ABTB2: variants seen among roughly 807,000 people sequenced by gnomAD.
The protein encoded by ABTB2 is ankyrin repeat and BTB/POZ domain-containing protein 2.
Under a neutral mutation model 104.1 loss-of-function variants are expected in ABTB2, and 56 were observed. The ratio of observed to expected loss-of-function variants is 0.54; its 90% CI spans 0.43 to 0.67. The LOEUF (loss-of-function observed/expected upper bound fraction) is 0.67, where lower values mean the gene tolerates loss of function less well. Ranked by LOEUF, ABTB2 falls within the 30% of genes least tolerant of loss-of-function variation. ABTB2 has a pLI of 0.00. For synonymous variants in ABTB2, 606 were observed against 608.2 expected (o/e 1.00, Z 0.05); for missense variants, 1,279 against 1,407.7 (o/e 0.91, Z 1.46).
chr11:34,284,320 G>A (rs1159357578), intron 1 of ABTB2, among the ~76,000 whole-genome samples: 9 of 152,316 alleles, frequency 5.9e-5, no homozygotes, highest in African/African-American at 1.2e-4. Context: ...AATGACCCCC[G>A]TGTAACCCTA....
At chr11:34,302,109 T>C (rs1040730607) in intron 1 of ABTB2, among the ~76,000 whole-genome samples, 8 of 152,240 alleles carry the variant, frequency 5.3e-5, no homozygotes, top group African/African-American at 1.9e-4. Flanking sequence ...TAGGTAACAC[T>C]TTGGTGTATT....
At chr11:34,173,424 G>T in intron 3 of ABTB2, 117 bp from the exon 4 acceptor site, 1 of 1,282,206 alleles carries the variant, frequency 7.8e-7, no homozygotes, top group Non-Finnish European at 1.1e-6. Flanking sequence ...GTCAGTCCTA[G>T]GGTGGGGGGC....
intron 1 of ABTB2, among the ~76,000 whole-genome samples, chr11:34,264,952 A>T (rs1390161330): frequency 6.6e-6 from 1 of 152,216 alleles, no homozygotes; most frequent in South Asian, 2.1e-4. Flanking sequence ...AAAATGAGGG[A>T]TCTGAATCAG....
intron 1 of ABTB2, among the ~76,000 whole-genome samples, chr11:34,238,513 GT>G (rs1853873448): frequency 2.6e-5 from 4 of 152,144 alleles, no homozygotes; most frequent in African/African-American, 9.7e-5. Context: ...ATAAATATTT[GT>G]TGAATGGAGA....
At chr11:34,272,302 C>CAAA (rs60997940) in intron 1 of ABTB2, among the ~76,000 whole-genome samples, 1,406 of 80,690 alleles carry the variant, frequency 0.017, 62 homozygotes, top group African/African-American at 0.05. Context: ...CAGGAAGCTG[C>CAAA]AAAAAAAAAA....
chr11:34,215,900 C>A (rs1282068921), intron 1 of ABTB2, among the ~76,000 whole-genome samples: 2 of 152,012 alleles, frequency 1.3e-5, no homozygotes, highest in African/African-American at 2.4e-5. Context: ...AGACCCAAGG[C>A]CACTCGATTC....
intron 1 of ABTB2, among the ~76,000 whole-genome samples, chr11:34,217,661 C>T (rs1388801260): frequency 6.6e-6 from 1 of 152,122 alleles, no homozygotes; most frequent in Non-Finnish European, 1.5e-5. Context: ...GGGGTTTCTC[C>T]ATGTTGGCCA....
At chr11:34,161,133 C>T (rs752712520) in intron 10 of ABTB2, 52 bp from the exon 11 acceptor site, 33 of 1,505,010 alleles carry the variant, frequency 2.2e-5, no homozygotes, top group South Asian at 2.0e-4. Context: ...TGAGCGCTCC[C>T]GGCACAGACC....
intron 14 of ABTB2, among the ~76,000 whole-genome samples, chr11:34,156,363 T>C (rs1852626809): frequency 6.6e-6 from 1 of 152,102 alleles, no homozygotes; most frequent in African/African-American, 2.4e-5. Flanking sequence ...CCAGGCAGCC[T>C]GTGGGGCTAG....
chr11:34,198,930 G>T (rs1018633037), intron 2 of ABTB2, among the ~76,000 whole-genome samples: 5 of 152,160 alleles, frequency 3.3e-5, no homozygotes, highest in Non-Finnish European at 5.9e-5. Flanking sequence ...CCTTAAGGTG[G>T]AAGAAATGAA....
chr11:34,351,311 G>A (rs1351710330), intron 1 of ABTB2, among the ~76,000 whole-genome samples: 1 of 152,218 alleles, frequency 6.6e-6, no homozygotes, highest in Non-Finnish European at 1.5e-5. Context: ...CTGTTGGCAA[G>A]GGGGCGGTTG....
intron 1 of ABTB2, among the ~76,000 whole-genome samples, chr11:34,239,644 TC>T (rs564058885): frequency 9.7e-4 from 147 of 152,320 alleles, no homozygotes; most frequent in African/African-American, 3.2e-3. Context: ...CTGCCTTTTT[TC>T]TACCCCCACC....
chr11:34,249,386 C>T (rs1199747301), intron 1 of ABTB2, among the ~76,000 whole-genome samples: 1 of 152,174 alleles, frequency 6.6e-6, no homozygotes, highest in African/African-American at 2.4e-5. Flanking sequence ...ATAAAAATAT[C>T]CAGAGCTGGC....
chr11:34,243,492 C>T (rs2133064589), intron 1 of ABTB2, among the ~76,000 whole-genome samples: 1 of 152,322 alleles, frequency 6.6e-6, no homozygotes, highest in Non-Finnish European at 1.5e-5. Flanking sequence ...TAACCCTGCC[C>T]CTCCTCCAAC....
chr11:34,281,483 G>GC (rs1336770000), intron 1 of ABTB2, among the ~76,000 whole-genome samples: 1 of 152,094 alleles, frequency 6.6e-6, no homozygotes, highest in Non-Finnish European at 1.5e-5. Context: ...CCTCCCCTGG[G>GC]CCCTTTTGTC....
chr11:34,301,258 C>T (rs902987118), intron 1 of ABTB2, among the ~76,000 whole-genome samples: 1 of 152,116 alleles, frequency 6.6e-6, no homozygotes, highest in Non-Finnish European at 1.5e-5. Flanking sequence ...GTGCTTCCTT[C>T]TTTCCCGTAG....
intron 1 of ABTB2, among the ~76,000 whole-genome samples, chr11:34,295,018 CA>C (rs1445734072): frequency 6.6e-6 from 1 of 152,012 alleles, no homozygotes; most frequent in Non-Finnish European, 1.5e-5. Context: ...CGGGCCTCTA[CA>C]AAAACAATTT....
intron 3 of ABTB2, among the ~76,000 whole-genome samples, chr11:34,180,114 C>T (rs1176733005): frequency 6.6e-6 from 1 of 152,232 alleles, no homozygotes; most frequent in East Asian, 1.9e-4. Flanking sequence ...CTCCAGCTTT[C>T]TGAAAGTCCA....
chr11:34,160,098 G>A (rs1852687595), intron 12 of ABTB2, 90 bp from the exon 13 acceptor site: 3 of 1,293,736 alleles, frequency 2.3e-6, no homozygotes, highest in East Asian at 4.7e-5. Flanking sequence ...GTCTGGGGTT[G>A]GGGGTGGGAC....
Sources: allele counts gnomAD v4.1 joint callset (sites outside exome capture counted in the v4.1 genomes callset), GRCh38; gene constraint gnomAD v4.1.1; transcripts MANE v1.5; gene names NCBI Gene and HGNC (gene_info 2026-07-23, HGNC 2026-07-21).